The following HERC3 variants were observed in gnomAD, a reference collection of about 807,000 sequenced individuals.
HERC3 encodes the protein probable E3 ubiquitin-protein ligase HERC3.
In HERC3, 58 loss-of-function variants were observed where a neutral mutation model predicts 129.9. The ratio of observed to expected loss-of-function variants is 0.45; its 90% CI spans 0.36 to 0.56. The LOEUF (loss-of-function observed/expected upper bound fraction) is 0.56. Ranked by LOEUF, HERC3 falls within the 20% of genes least tolerant of loss-of-function variation. The probability of loss-of-function intolerance (pLI) is 0.00; values close to 1 mark genes in which losing one functional copy is unlikely to be tolerated. For synonymous variants in HERC3, 430 were observed against 451.0 expected (o/e 0.95, Z 0.59); for missense variants, 835 against 1,244.2 (o/e 0.67, Z 4.95).
At chr4:88,623,971 G>A (rs1013281852) in intron 3 of HERC3, among the ~76,000 whole-genome samples, 1 of 152,006 alleles carries the variant, frequency 6.6e-6, no homozygotes, top group South Asian at 2.1e-4. Flanking sequence ...CAACTGTTTT[G>A]TTCCCCCTGC....
At position 88,658,491 on chromosome 4, in the gene HERC3, G is replaced by A; in HGVS notation, c.1146G>A (p.Glu382=). Residue 382 remains glutamate, a splice_region_variant and synonymous_variant, in exon 10 of 26, where the codon GAG becomes GAA. Coordinates refer to ENST00000402738, the MANE Select transcript of HERC3 (RefSeq NM_014606.3). ...CTTTTGTACTTTGCTCCAAATACGAGGTAAAATTTTTCTTGTGACTCTTAT... is the reference window on the plus strand; with the variant it reads ...CTTTTGTACTTTGCTCCAAATACGAAGTAAAATTTTTCTTGTGACTCTTAT... ...DQTFVLCSKY[E]NYSPAVDFRT... The A allele has an allele frequency of 1.3e-6, 2 of 1,563,770 alleles. No homozygotes were observed. The highest frequency in any genetic ancestry group is 1.4e-5 in the African/African-American group (1 of 73,630).
chr4:88,681,803 A>G (rs1732811922), intron 21 of HERC3, among the ~76,000 whole-genome samples: 1 of 152,206 alleles, frequency 6.6e-6, no homozygotes, highest in Admixed American at 6.5e-5. Context: ...CATCACCTTA[A>G]ATATTTCTCT....
the HERC3 span, among the ~76,000 whole-genome samples, chr4:88,568,289 A>G: frequency 6.6e-6 from 1 of 152,152 alleles, no homozygotes; most frequent in African/African-American, 2.4e-5. Flanking sequence ...GCCATTGCCT[A>G]TGTTCACTCA....
At chr4:88,641,078 T>G (rs1728040706) in intron 3 of HERC3, among the ~76,000 whole-genome samples, 1 of 152,166 alleles carries the variant, frequency 6.6e-6, no homozygotes, top group African/African-American at 2.4e-5. Flanking sequence ...TGAACAAATT[T>G]TAAAGGATTG....
In HERC3 at chr4:88,592,512, C is replaced by T. The variant is rs1047792092; in HGVS notation, c.-150C>T. 2 of 152,340 alleles carry T rather than the reference C, an allele frequency of 1.3e-5. No individual in the cohort carries two copies. Among genetic ancestry groups the T allele is most frequent in the Non-Finnish European group, 2.9e-5 (2 of 68,142 alleles). The allele number at this position is 152,340 out of a possible 1,614,324, so 9.4% of individuals were successfully genotyped here. A position where few individuals can be genotyped will look rare whatever the true frequency, so the allele number is the denominator to read the frequency against. The stretch of plus-strand genomic sequence containing the variant: ...TTGTGACGCCGAAAACGGAGAAACC[C>T]CGGGTCCGGCGAGAGGGGCTGTGAC... On this transcript the variant is annotated 5_prime_UTR_variant, in exon 1 of 26. Transcript: ENST00000402738.
At chr4:88,692,742 C>G (rs888997893) in intron 23 of HERC3, among the ~76,000 whole-genome samples, 1 of 152,192 alleles carries the variant, frequency 6.6e-6, no homozygotes. Flanking sequence ...GCATAAGTCT[C>G]TTGTTCAACG....
the HERC3 span, among the ~76,000 whole-genome samples, chr4:88,556,973 G>A: frequency 6.6e-6 from 1 of 152,018 alleles, no homozygotes; most frequent in African/African-American, 2.4e-5. Context: ...ATGGTCTCAT[G>A]TACCTTATAT....
chr4:88,554,861 T>C, the HERC3 span, among the ~76,000 whole-genome samples: 2 of 152,202 alleles, frequency 1.3e-5, no homozygotes, highest in Non-Finnish European at 2.9e-5. Flanking sequence ...TTTGTTATTT[T>C]GGATGATGAT....
chr4:88,536,205 A>G, the HERC3 span, among the ~76,000 whole-genome samples: 10 of 152,170 alleles, frequency 6.6e-5, no homozygotes, highest in Non-Finnish European at 1.5e-4. Flanking sequence ...CTCATCTTGA[A>G]TTCAGCCATT....
upstream of HERC3, among the ~76,000 whole-genome samples, chr4:88,588,090 C>T (rs1721576798): frequency 6.6e-6 from 1 of 152,174 alleles, no homozygotes; most frequent in Admixed American, 6.5e-5. Context: ...TATATGAAAA[C>T]AATGAGTTTC....
chr4:88,691,895 C>T (rs1449872299), intron 23 of HERC3, among the ~76,000 whole-genome samples: 1 of 152,250 alleles, frequency 6.6e-6, no homozygotes, highest in African/African-American at 2.4e-5. Context: ...TACACAGATA[C>T]TTCTGGCATT....
chr4:88,582,933 A>G, the HERC3 span, among the ~76,000 whole-genome samples: 3 of 152,110 alleles, frequency 2.0e-5, no homozygotes, highest in East Asian at 1.9e-4. Context: ...AACTTCAACC[A>G]TCTGGCTCTT....
intron 18 of HERC3, among the ~76,000 whole-genome samples, chr4:88,676,676 G>C (rs116626291): frequency 0.023 from 3,476 of 152,272 alleles, 70 homozygotes; most frequent in Non-Finnish European, 0.036. Context: ...TATGGTCTCT[G>C]TTACAACTAT....
At chr4:88,553,189 C>T in the HERC3 span, among the ~76,000 whole-genome samples, 5 of 152,078 alleles carry the variant, frequency 3.3e-5, no homozygotes, top group Admixed American at 6.6e-5. Flanking sequence ...AGTTTATTAG[C>T]ACAGAATAGT....
At chr4:88,582,837 C>G in the HERC3 span, among the ~76,000 whole-genome samples, 1 of 152,124 alleles carries the variant, frequency 6.6e-6, no homozygotes, top group African/African-American at 2.4e-5. Flanking sequence ...CCTTTGGAAC[C>G]ATTAATTTTA....
the HERC3 span, among the ~76,000 whole-genome samples, chr4:88,555,150 G>T: frequency 6.6e-6 from 1 of 152,060 alleles, no homozygotes; most frequent in African/African-American, 2.4e-5. Flanking sequence ...TGGGCGTGGT[G>T]GTGGTGCCTG....
intron 9 of HERC3, chr4:88,656,890 G>A (rs947955401): frequency 6.6e-6 from 1 of 152,190 alleles, no homozygotes; most frequent in African/African-American, 2.4e-5. Flanking sequence ...AGATTCTGGA[G>A]GCAGGATTTA....
At chr4:88,579,688 C>T in the HERC3 span, among the ~76,000 whole-genome samples, 1 of 152,146 alleles carries the variant, frequency 6.6e-6, no homozygotes, top group Non-Finnish European at 1.5e-5. Context: ...AATAATCTAT[C>T]CCCCTCTGCC....
chr4:88,566,578 A>C, the HERC3 span, among the ~76,000 whole-genome samples: 324 of 152,250 alleles, frequency 2.1e-3, 2 homozygotes, highest in African/African-American at 7.2e-3. Context: ...CTGTGTACTT[A>C]TATTACCAGT....
Sources: allele counts gnomAD v4.1 joint callset (sites outside exome capture counted in the v4.1 genomes callset), GRCh38; gene constraint gnomAD v4.1.1; transcripts MANE v1.5; gene names NCBI Gene and HGNC (gene_info 2026-07-23, HGNC 2026-07-21).